ITSN2: variants seen among roughly 807,000 people sequenced by gnomAD.
ITSN2 encodes intersectin-2.
Under a neutral mutation model 243.7 loss-of-function variants are expected in ITSN2, and 156 were observed. The ratio of observed to expected loss-of-function variants is 0.64; its 90% CI spans 0.56 to 0.73. The LOEUF (loss-of-function observed/expected upper bound fraction) is 0.73, where lower values mean the gene tolerates loss of function less well. ITSN2 is among the 30% of genes least tolerant of loss of function. ITSN2 has a pLI of 0.00. For missense variants in ITSN2, 1,801 were observed against 1,996.1 expected (o/e 0.90, Z 1.86); for synonymous variants, 703 against 699.9 (o/e 1.00, Z -0.07).
At chr2:24,311,033 A>G (rs1372985331) in intron 5 of ITSN2, among the ~76,000 whole-genome samples, 1 of 152,078 alleles carries the variant, frequency 6.6e-6, no homozygotes, top group Non-Finnish European at 1.5e-5. Flanking sequence ...GTGAAAGGAT[A>G]ATACAGTGCT....
At chr2:24,220,580 CA>C in intron 30 of ITSN2, 1 of 1,089,090 alleles carries the variant, frequency 9.2e-7, no homozygotes, top group Middle Eastern at 4.0e-4. Flanking sequence ...AGATATTAGG[CA>C]AATATCCAAG....
At chr2:24,288,328 C>A (rs11695881) in intron 15 of ITSN2, among the ~76,000 whole-genome samples, 2 of 152,038 alleles carry the variant, frequency 1.3e-5, no homozygotes, top group African/African-American at 2.4e-5. Flanking sequence ...TGACCATATA[C>A]ACTTGGGTTT....
At chr2:24,351,621 T>C (rs1451617577) in intron 1 of ITSN2, among the ~76,000 whole-genome samples, 1 of 152,142 alleles carries the variant, frequency 6.6e-6, no homozygotes, top group Non-Finnish European at 1.5e-5. Context: ...AAATAAACAA[T>C]TCATAAATTT....
Position 24,246,723 on chromosome 2 carries a change from T to G in ITSN2, c.3385+74A>C, listed in dbSNP as rs114172563. On this transcript the variant is annotated intron_variant, in intron 28 of 39. Coordinates refer to ENST00000355123, the MANE Select transcript of ITSN2 (RefSeq NM_006277.3). ...CACATTTTTAATGTTTTCCAAAGAT[T>G]GAGCTAATCTAAGAAGTTGCTGAGT... The G allele has an allele frequency of 2.7e-3, 2,333 of 852,814 alleles. 46 individuals are homozygous for G. The African/African-American group carries it at 0.035, about 13-fold the overall frequency. The allele number at this position is 852,814 out of a possible 1,614,324, so 52.8% of individuals were successfully genotyped here.
chr2:24,336,463 C>T (rs767327257), intron 1 of ITSN2, among the ~76,000 whole-genome samples: 3 of 152,124 alleles, frequency 2.0e-5, no homozygotes, highest in East Asian at 1.9e-4. Flanking sequence ...GTATGAAATA[C>T]GGCCCTCTTC....
intron 29 of ITSN2, among the ~76,000 whole-genome samples, chr2:24,238,610 A>C (rs1449836207): frequency 1.3e-5 from 2 of 152,214 alleles, no homozygotes; most frequent in South Asian, 2.1e-4. Context: ...ATCTTTTTAG[A>C]AAAAAGTTGC....
At chr2:24,328,258 C>A in intron 1 of ITSN2, 143 bp from the exon 2 acceptor site, 1 of 580,262 alleles carries the variant, frequency 1.7e-6, no homozygotes, top group Non-Finnish European at 3.0e-6. Flanking sequence ...TGCTGCTGAA[C>A]AGGCAGAATT....
chr2:24,208,711 C>A (rs911094092), intron 36 of ITSN2, among the ~76,000 whole-genome samples: 4 of 152,218 alleles, frequency 2.6e-5, no homozygotes, highest in Non-Finnish European at 5.9e-5. Context: ...GGCACCCACA[C>A]AAGGGCGCCT....
chr2:24,306,694 A>C (rs947942152), intron 8 of ITSN2, among the ~76,000 whole-genome samples: 22 of 152,138 alleles, frequency 1.4e-4, no homozygotes, highest in Non-Finnish European at 2.6e-4. Flanking sequence ...TATTAGAGAG[A>C]TGGGGTCTCA....
At chr2:24,352,218 T>G (rs1457210687) in intron 1 of ITSN2, among the ~76,000 whole-genome samples, 1 of 152,218 alleles carries the variant, frequency 6.6e-6, no homozygotes, top group Non-Finnish European at 1.5e-5. Flanking sequence ...TAATCGTACC[T>G]AAATGCCAGG....
At position 24,330,531 on chromosome 2, in the gene ITSN2, G is replaced by C. The variant is rs1558639801; in HGVS notation, c.-33-2416C>G. On this transcript the variant is annotated intron_variant, in intron 1 of 39. Coordinates refer to ENST00000355123, the MANE Select transcript of ITSN2 (RefSeq NM_006277.3). ...AACGCCAGAGCCCAAGCCTGAAAAG[G>C]CCCCTGCAAAGAAGGGAGAGAAGGT... 3 of 736,220 alleles carry C rather than the reference G, an allele frequency of 4.1e-6. No homozygotes were observed. In the East Asian group the frequency reaches 7.8e-5, roughly 19 times the overall value. The allele number at this position is 736,220 out of a possible 1,614,324, so 45.6% of individuals were successfully genotyped here. A position where few individuals can be genotyped will look rare whatever the true frequency, so the allele number is the denominator to read the frequency against.
At position 24,225,236 on chromosome 2, in the gene ITSN2, A is replaced by G. The variant is rs1222936240; in HGVS notation, c.3578-4170T>C. Among the ~76,000 whole-genome samples the G allele has an allele frequency of 6.6e-6, 1 of 151,650 alleles. No individual in the cohort carries two copies. The highest frequency in any genetic ancestry group is 1.5e-5 in the Non-Finnish European group (1 of 67,926). ...CATTGCTAAGTGTCCCTCCTATCCCACTGTTTGAAACCAACCAACAAGCAC... is the reference window on the plus strand; with the variant it reads ...CATTGCTAAGTGTCCCTCCTATCCCGCTGTTTGAAACCAACCAACAAGCAC... On this transcript the variant is annotated intron_variant, in intron 29 of 39. Coordinates refer to ENST00000355123, the MANE Select transcript of ITSN2 (RefSeq NM_006277.3). The surrounding 1 kb of genome is among the most constrained non-coding windows in gnomAD (Gnocchi z 4.2).
At position 24,328,467 on chromosome 2, in the gene ITSN2, C is replaced by CT. The variant is rs956515489; in HGVS notation, c.-33-353dup. Among the ~76,000 whole-genome samples the CT allele has an allele frequency of 1.9e-3, 275 of 144,498 alleles. 1 individual carries two copies. The highest frequency in any genetic ancestry group is 0.014 in the South Asian group (62 of 4,574). 94.8% of individuals were successfully genotyped at this position (144,498 alleles called of 152,430 possible). On this transcript the variant is annotated intron_variant, in intron 1 of 39. Transcript: ENST00000355123. Reference sequence around the variant, plus strand: ...TATAAGAATAACATGGAAATCCATACTTTTTTTTTTTTTTAAATAGAGTCT... The same window carrying CT: ...TATAAGAATAACATGGAAATCCATACTTTTTTTTTTTTTTTAAATAGAGTCT...
In ITSN2 at chr2:24,337,315, A is replaced by AATATATATATATATATAT. The variant is rs201712131; in HGVS notation, c.-33-9218_-33-9201dup. Among the ~76,000 whole-genome samples, 92 of 31,856 alleles carry AATATATATATATATATAT rather than the reference A, an allele frequency of 2.9e-3. 1 individual carries two copies. Among genetic ancestry groups the AATATATATATATATATAT allele is most frequent in the African/African-American group, 3.2e-3 (29 of 8,990 alleles). The allele number at this position is 31,856 out of a possible 152,430, so 20.9% of individuals were successfully genotyped here. A position where few individuals can be genotyped will look rare whatever the true frequency, so the allele number is the denominator to read the frequency against. ...TGTGTGTGTGTGTGTGTATACACAA[A>AATATATATATATATATAT]ATATATATATATATATATATATATA... On this transcript the variant is annotated intron_variant, in intron 1 of 39. Transcript: ENST00000355123.
chr2:24,309,307 C>A (rs757083031), intron 7 of ITSN2, among the ~76,000 whole-genome samples: 24 of 152,198 alleles, frequency 1.6e-4, no homozygotes, highest in Non-Finnish European at 2.2e-4. Flanking sequence ...ATTCTCCTGC[C>A]TCAGCCTCTC....
chr2:24,216,885 A>C (rs1670006311), intron 31 of ITSN2, among the ~76,000 whole-genome samples: 2 of 152,142 alleles, frequency 1.3e-5, no homozygotes, highest in Admixed American at 6.6e-5. Flanking sequence ...GGAGATTGAG[A>C]CCATCCTGGC....
intron 2 of ITSN2, among the ~76,000 whole-genome samples, chr2:24,317,319 G>A (rs1325198095): frequency 5.9e-5 from 9 of 151,974 alleles, no homozygotes; most frequent in South Asian, 2.1e-4. Flanking sequence ...GGGAGGTGGA[G>A]GTTGCAGTGA....
intron 29 of ITSN2, among the ~76,000 whole-genome samples, chr2:24,228,789 A>C (rs1386072893): frequency 6.6e-6 from 1 of 152,242 alleles, no homozygotes; most frequent in Non-Finnish European, 1.5e-5. Flanking sequence ...AATACATAAT[A>C]AAATAGATAC....
chr2:24,274,237 C>T (rs190880702), intron 18 of ITSN2, among the ~76,000 whole-genome samples: 8 of 152,198 alleles, frequency 5.3e-5, no homozygotes, highest in Non-Finnish European at 1.0e-4. Flanking sequence ...TTCTCTACTT[C>T]TATATTATTC....
Sources: allele counts gnomAD v4.1 joint callset (sites outside exome capture counted in the v4.1 genomes callset), GRCh38; gene constraint gnomAD v4.1.1; non-coding constraint Gnocchi (gnomAD v3.1); transcripts MANE v1.5; gene names NCBI Gene and HGNC (gene_info 2026-07-23, HGNC 2026-07-21).